The following IPO11 variants were observed in gnomAD, a reference collection of about 807,000 sequenced individuals.
IPO11 encodes the protein importin 11, also known as importin-11.
In IPO11, 66 loss-of-function variants were observed where a neutral mutation model predicts 143.2. That is an observed-to-expected ratio of 0.46 (90% CI 0.38 to 0.57). The LOEUF (loss-of-function observed/expected upper bound fraction) is 0.57. Ranked by LOEUF, IPO11 falls within the 20% of genes least tolerant of loss-of-function variation. The pLI, the probability that IPO11 is intolerant of heterozygous loss-of-function variation, is 0.00. For synonymous variants in IPO11, 385 were observed against 377.8 expected (o/e 1.02, Z -0.22); for missense variants, 1,026 against 1,141.0 (o/e 0.90, Z 1.45).
rs114800384 is a variant in IPO11, at chr5:62,563,993, A to G, written c.2582+2736A>G. 5.7e-3 allele frequency among the ~76,000 whole-genome samples: 868 copies of G among 152,338 alleles called. 2 individuals are homozygous for G. Among genetic ancestry groups the G allele is most frequent in the Non-Finnish European group, 8.9e-3 (603 of 68,026 alleles). ...TGGTAGCCTTGTGATGGAAGATCAGATATAATTTTTGTTTTTAAGATGAAA... is the reference window on the plus strand; with the variant it reads ...TGGTAGCCTTGTGATGGAAGATCAGGTATAATTTTTGTTTTTAAGATGAAA... On this transcript the variant is annotated intron_variant, in intron 27 of 29. Transcript: ENST00000325324.
Position 62,484,176 on chromosome 5 carries a change from T to A in IPO11, c.1174+14T>A, listed in dbSNP as rs1746312565. On this transcript the variant is annotated intron_variant, in intron 11 of 29. Transcript: ENST00000325324. Reference sequence around the variant, plus strand: ...CAGAAGGCTTTAGTAAGAATTAATTTTTTAGTGTTAGAATGACTTTTCTCC... The same window carrying A: ...CAGAAGGCTTTAGTAAGAATTAATTATTTAGTGTTAGAATGACTTTTCTCC... 3 of 1,580,816 alleles carry A rather than the reference T, an allele frequency of 1.9e-6. No homozygotes were observed. In the South Asian group the frequency reaches 3.5e-5, roughly 19 times the overall value.
At chr5:62,623,606 C>G (rs1201607442) in intron 29 of IPO11, among the ~76,000 whole-genome samples, 3 of 150,552 alleles carry the variant, frequency 2.0e-5, no homozygotes, top group African/African-American at 7.3e-5. Context: ...TGCTGGCTGG[C>G]TATTTCTATG....
At chr5:62,419,122 A>G (rs551527930) in intron 1 of IPO11, 1 of 1,549,516 alleles carries the variant, frequency 6.5e-7, no homozygotes, top group Admixed American at 2.0e-5. Flanking sequence ...CAGTTGTCAC[A>G]AAATGGTAAG....
At chr5:62,517,026 G>A (rs111406049) in intron 20 of IPO11, among the ~76,000 whole-genome samples, 13,992 of 151,902 alleles carry the variant, frequency 0.092, 652 homozygotes, top group South Asian at 0.15. Context: ...GTGAAACCCT[G>A]TCTCTACTAA....
In IPO11 at chr5:62,614,528, G is replaced by GC. The variant is rs1010491179; in HGVS notation, c.2764-12619dup. On this transcript the variant is annotated intron_variant, in intron 29 of 29. Transcript: ENST00000325324. Reference sequence around the variant, plus strand: ...GAAATGCTGAAGAGTTACCTGACCCGCCCCCCCTCACCCCGCAGGATATGC... The same window carrying GC: ...GAAATGCTGAAGAGTTACCTGACCCGCCCCCCCCTCACCCCGCAGGATATGC... Among the ~76,000 whole-genome samples the GC allele has an allele frequency of 4.6e-5, 7 of 152,068 alleles. No individual in the cohort carries two copies. In the East Asian group the frequency reaches 5.8e-4, roughly 13 times the overall value.
At chr5:62,570,593 A>G (rs1481238458) in intron 27 of IPO11, among the ~76,000 whole-genome samples, 3 of 152,172 alleles carry the variant, frequency 2.0e-5, no homozygotes, top group Non-Finnish European at 2.9e-5. Flanking sequence ...ATGATTGTTC[A>G]TTGCACTCTG....
At chr5:62,566,663 A>G (rs1230521933) in intron 27 of IPO11, among the ~76,000 whole-genome samples, 2 of 151,392 alleles carry the variant, frequency 1.3e-5, no homozygotes, top group Non-Finnish European at 2.9e-5. Context: ...ACTTGAATCC[A>G]GGAGACAGAG....
At chr5:62,454,453 A>C (rs1323210517) in intron 5 of IPO11, among the ~76,000 whole-genome samples, 1 of 152,186 alleles carries the variant, frequency 6.6e-6, no homozygotes, top group African/African-American at 2.4e-5. Flanking sequence ...CAGTCTATAG[A>C]AGTTTTAATT....
At chr5:62,563,835 A>G (rs1743850148) in intron 27 of IPO11, among the ~76,000 whole-genome samples, 1 of 152,160 alleles carries the variant, frequency 6.6e-6, no homozygotes, top group Non-Finnish European at 1.5e-5. Flanking sequence ...TGCTCAATCT[A>G]TCGTTGGCAT....
At chr5:62,414,353 T>C (rs754350660) in intron 1 of IPO11, among the ~76,000 whole-genome samples, 2 of 152,190 alleles carry the variant, frequency 1.3e-5, no homozygotes, top group African/African-American at 2.4e-5. Context: ...GGTAAGGTAA[T>C]GTTTGATTAT....
intron 13 of IPO11, 99 bp from the exon 14 acceptor site, chr5:62,489,203 T>C: frequency 1.9e-6 from 1 of 519,220 alleles, no homozygotes; most frequent in Non-Finnish European, 3.1e-6. Flanking sequence ...TTATACTTAA[T>C]TGAATTGGGA....
chr5:62,429,792 T>A (rs1322791378), intron 1 of IPO11, among the ~76,000 whole-genome samples: 1 of 151,890 alleles, frequency 6.6e-6, no homozygotes, highest in Non-Finnish European at 1.5e-5. Context: ...CCCAGCTAAT[T>A]TTTTGTATTT....
intron 7 of IPO11, among the ~76,000 whole-genome samples, chr5:62,471,016 C>G (rs533095042): frequency 2.6e-5 from 4 of 151,316 alleles, no homozygotes; most frequent in Admixed American, 1.3e-4. Flanking sequence ...TTAGTAGAGA[C>G]GAAGTTTTAC....
chr5:62,481,291 A>G (rs1169450277), intron 9 of IPO11, among the ~76,000 whole-genome samples: 2 of 152,004 alleles, frequency 1.3e-5, no homozygotes, highest in Admixed American at 1.3e-4. Flanking sequence ...AACTTCCAAC[A>G]CTATGTTGAA....
chr5:62,483,542 A>G (rs370261596), intron 10 of IPO11, among the ~76,000 whole-genome samples: 15 of 152,320 alleles, frequency 9.8e-5, no homozygotes, highest in African/African-American at 3.4e-4. Flanking sequence ...AGAATTAGGT[A>G]CTATAGTCAT....
intron 1 of IPO11, among the ~76,000 whole-genome samples, chr5:62,415,772 C>G (rs888828106): frequency 6.6e-5 from 10 of 151,880 alleles, no homozygotes; most frequent in African/African-American, 2.4e-4. Context: ...CCGGCCCCCT[C>G]TTTACTCTTT....
intron 7 of IPO11, among the ~76,000 whole-genome samples, chr5:62,470,728 T>TA (rs947085140): frequency 1.3e-5 from 2 of 150,174 alleles, no homozygotes; most frequent in South Asian, 2.1e-4. Context: ...CACAATCAAT[T>TA]AAAAAAATAA....
intron 7 of IPO11, among the ~76,000 whole-genome samples, chr5:62,470,679 GT>G (rs1053230865): frequency 6.6e-6 from 1 of 150,994 alleles, no homozygotes. Context: ...AAATAAATTT[GT>G]TTTTTTCTGT....
At chr5:62,576,859 T>C (rs1744332929) in intron 27 of IPO11, among the ~76,000 whole-genome samples, 1 of 152,248 alleles carries the variant, frequency 6.6e-6, no homozygotes, top group Non-Finnish European at 1.5e-5. Flanking sequence ...ATTTATACAT[T>C]CTTGTTTTTG....
Sources: gnomAD v4.1 joint callset for allele counts (sites outside exome capture counted in the v4.1 genomes callset) on GRCh38, gnomAD v4.1.1 for gene constraint, MANE v1.5 for transcripts, NCBI Gene and HGNC (gene_info 2026-07-23, HGNC 2026-07-21) for gene names.